METTL8: variants seen among roughly 807,000 people sequenced by gnomAD.
METTL8 encodes tRNA N(3)-cytidine methyltransferase METTL8, mitochondrial.
METTL8 carries 32 observed loss-of-function variants against 48.7 expected under a neutral mutation model. That is an observed-to-expected ratio of 0.66 (90% CI 0.50 to 0.88). The LOEUF is 0.88. Ranked by LOEUF, METTL8 falls within the 40% of genes least tolerant of loss-of-function variation. METTL8 has a pLI of 0.00. For synonymous variants in METTL8, 136 were observed against 157.1 expected, an observed-to-expected ratio of 0.87 and a Z score of 1.01; for missense variants, 464 against 474.4, an observed-to-expected ratio of 0.98 and a Z score of 0.20.
In METTL8 at chr2:171,316,242, T is replaced by C. The variant is rs1356457863; in HGVS notation, c.*7930A>G. 6.6e-6 allele frequency among the ~76,000 whole-genome samples: 1 copy of C among 152,214 alleles called. No individual in the cohort carries two copies. The highest frequency in any genetic ancestry group is 1.5e-5 in the Non-Finnish European group (1 of 68,022). On this transcript the variant is annotated 3_prime_UTR_variant, in exon 10 of 10. Coordinates refer to ENST00000375258, the MANE Select transcript of METTL8 (RefSeq NM_001321154.2). The stretch of plus-strand genomic sequence containing the variant: ...GCAGGACTTAATTCTCATGCCGGCA[T>C]GGGGCTGCCGGGCACCCAGCTCCTT...
chr2:171,374,824 T>C (rs1044247625), intron 2 of METTL8: 1 of 681,194 alleles, frequency 1.5e-6, no homozygotes, highest in Non-Finnish European at 2.6e-6. Context: ...TGTATATGTT[T>C]AACATACACA....
At chr2:171,354,327 C>T (rs934761450) in intron 3 of METTL8, among the ~76,000 whole-genome samples, 9 of 152,196 alleles carry the variant, frequency 5.9e-5, no homozygotes, top group Non-Finnish European at 8.8e-5. Context: ...CCGAGAGATC[C>T]GCTGTTAGTC....
chr2:171,383,910 T>C (rs1431331843), intron 2 of METTL8, among the ~76,000 whole-genome samples: 1 of 152,210 alleles, frequency 6.6e-6, no homozygotes, highest in Non-Finnish European at 1.5e-5. Context: ...AATTACCACA[T>C]GACCCTGCAA....
At chr2:171,363,133 A>G (rs1685334755) in intron 2 of METTL8, among the ~76,000 whole-genome samples, 1 of 151,956 alleles carries the variant, frequency 6.6e-6, no homozygotes, top group South Asian at 2.1e-4. Context: ...CTTAACTGTA[A>G]CTTCCTTACA....
At chr2:171,376,672 C>T (rs1265119345) in intron 2 of METTL8, among the ~76,000 whole-genome samples, 1 of 152,096 alleles carries the variant, frequency 6.6e-6, no homozygotes, top group Non-Finnish European at 1.5e-5. Context: ...ACAAGGAAAA[C>T]TACAAAACAC....
At chr2:171,343,798 T>G (rs1475020206) in intron 3 of METTL8, among the ~76,000 whole-genome samples, 1 of 152,076 alleles carries the variant, frequency 6.6e-6, no homozygotes, top group African/African-American at 2.4e-5. Flanking sequence ...GCGCCATGAA[T>G]TTATGGAGAA....
intron 2 of METTL8, among the ~76,000 whole-genome samples, chr2:171,388,395 C>A (rs1433061895): frequency 2.6e-5 from 4 of 152,234 alleles, no homozygotes; most frequent in African/African-American, 7.2e-5. Context: ...ACCTACCCCC[C>A]ATCTGGCCTA....
At chr2:171,351,511 C>T (rs1362753398) in intron 3 of METTL8, among the ~76,000 whole-genome samples, 5 of 152,112 alleles carry the variant, frequency 3.3e-5, no homozygotes, top group East Asian at 1.9e-4. Context: ...AAGTCATTGG[C>T]AGCTTGATGG....
Position 171,325,121 on chromosome 2 carries a change from CA to C in METTL8, c.1033+719del, listed in dbSNP as rs3835041. 1.6e-3 allele frequency among the ~76,000 whole-genome samples: 124 copies of C among 76,042 alleles called. No homozygotes were observed. The South Asian group carries it at 0.019, about 11-fold the overall frequency. 49.9% of individuals were successfully genotyped at this position (76,042 alleles called of 152,430 possible). On this transcript the variant is annotated intron_variant, in intron 9 of 9. Coordinates refer to ENST00000375258, the MANE Select transcript of METTL8 (RefSeq NM_001321154.2). The stretch of plus-strand genomic sequence containing the variant: ...TAGGCAACAGAGTGAGACTCTGTCT[CA>C]AAAAAAAAAAAAAAAAAAAGAGAAA...
chr2:171,337,337 T>C (rs1686227954), intron 5 of METTL8, 116 bp downstream of exon 5: 2 of 643,284 alleles, frequency 3.1e-6, no homozygotes, highest in South Asian at 5.1e-5. Context: ...GCTTGAGCCA[T>C]TGTTCATATA....
chr2:171,365,899 C>T (rs1017343392), intron 2 of METTL8, among the ~76,000 whole-genome samples: 4 of 152,230 alleles, frequency 2.6e-5, no homozygotes, highest in Non-Finnish European at 4.4e-5. Context: ...TCCACCTGTT[C>T]TGTCTGGGGA....
intron 2 of METTL8, among the ~76,000 whole-genome samples, chr2:171,375,468 A>G (rs904565174): frequency 1.3e-5 from 2 of 152,152 alleles, no homozygotes; most frequent in Non-Finnish European, 2.9e-5. Flanking sequence ...ATCCTTATCA[A>G]CACTTGGTAA....
At chr2:171,406,433 C>T (rs1420031521) in intron 1 of METTL8, among the ~76,000 whole-genome samples, 2 of 152,202 alleles carry the variant, frequency 1.3e-5, no homozygotes, top group African/African-American at 4.8e-5. Flanking sequence ...TTTATTTTCT[C>T]ACAGGTCTGG....
At chr2:171,428,456 C>T (rs1302268392) in intron 1 of METTL8, among the ~76,000 whole-genome samples, 1 of 151,494 alleles carries the variant, frequency 6.6e-6, no homozygotes, top group Non-Finnish European at 1.5e-5. Flanking sequence ...AGGAGTTCAG[C>T]ACCAGCCTTT....
intron 2 of METTL8, among the ~76,000 whole-genome samples, chr2:171,373,015 G>A (rs560636172): frequency 3.3e-5 from 5 of 152,306 alleles, no homozygotes; most frequent in Admixed American, 2.6e-4. Flanking sequence ...GGGATGACTG[G>A]ATCAAATGGT....
chr2:171,418,571 G>A (rs542775014), intron 1 of METTL8, among the ~76,000 whole-genome samples: 13 of 152,122 alleles, frequency 8.5e-5, no homozygotes, highest in Admixed American at 3.3e-4. Flanking sequence ...GTACAGACCA[G>A]GGATACTTAT....
At chr2:171,355,745 G>A (rs559533571) in intron 3 of METTL8, among the ~76,000 whole-genome samples, 14 of 152,252 alleles carry the variant, frequency 9.2e-5, no homozygotes, top group African/African-American at 2.4e-4. Context: ...GCGAGGCTCC[G>A]TGGGCGTGGG....
chr2:171,401,334 ACAAACAGC>A (rs1689618857), intron 1 of METTL8, among the ~76,000 whole-genome samples: 1 of 152,192 alleles, frequency 6.6e-6, no homozygotes, highest in Non-Finnish European at 1.5e-5. Context: ...CATCTGCCAG[ACAAACAGC>A]TTAGGCAACT....
At chr2:171,416,581 A>G (rs1011687078) in intron 1 of METTL8, among the ~76,000 whole-genome samples, 1 of 152,252 alleles carries the variant, frequency 6.6e-6, no homozygotes, top group African/African-American at 2.4e-5. Context: ...ATGGCTATAA[A>G]GCTCCATTAG....
Sources: gnomAD v4.1 joint callset for allele counts (sites outside exome capture counted in the v4.1 genomes callset) on GRCh38, gnomAD v4.1.1 for gene constraint, MANE v1.5 for transcripts, NCBI Gene and HGNC (gene_info 2026-07-23, HGNC 2026-07-21) for gene names.